The following DGKB variants were observed in gnomAD, a reference collection of about 807,000 sequenced individuals.
DGKB encodes the protein 90 kDa diacylglycerol kinase.
DGKB carries 67 observed loss-of-function variants against 114.3 expected under a neutral mutation model. The observed-to-expected ratio is 0.59, with a 90% CI of 0.48 to 0.72. The LOEUF is 0.72. DGKB is among the 30% of genes least tolerant of loss of function. The pLI is 0.00. For synonymous variants in DGKB, 398 were observed against 323.1 expected (o/e 1.23, Z -2.49); for missense variants, 907 against 975.2 (o/e 0.93, Z 0.93).
chr7:14,810,386 A>G (rs930610741), intron 2 of DGKB, among the ~76,000 whole-genome samples: 1 of 152,062 alleles, frequency 6.6e-6, no homozygotes, highest in African/African-American at 2.4e-5. Context: ...CTACAACATT[A>G]TGGGATAGCT....
At chr7:14,920,250 T>C (rs1316928672) in intron 1 of DGKB, among the ~76,000 whole-genome samples, 1 of 152,160 alleles carries the variant, frequency 6.6e-6, no homozygotes, top group Non-Finnish European at 1.5e-5. Context: ...ATTTGCAAAT[T>C]ACATATCTGA....
intron 4 of DGKB, among the ~76,000 whole-genome samples, chr7:14,747,909 C>A (rs1374526994): frequency 6.6e-6 from 1 of 152,168 alleles, no homozygotes; most frequent in African/African-American, 2.4e-5. Flanking sequence ...ACTGAGGGAG[C>A]TGCTCAGATG....
intron 9 of DGKB, among the ~76,000 whole-genome samples, chr7:14,689,786 A>C (rs1055314700): frequency 6.6e-6 from 1 of 152,224 alleles, no homozygotes; most frequent in Non-Finnish European, 1.5e-5. Flanking sequence ...ACTTTTAAAA[A>C]TCGATGTGCT....
At chr7:14,535,133 G>C (rs892336837) in intron 20 of DGKB, among the ~76,000 whole-genome samples, 2 of 152,038 alleles carry the variant, frequency 1.3e-5, no homozygotes, top group Non-Finnish European at 2.9e-5. Context: ...ATTTTGGAAG[G>C]CCAAAGTAGC....
chr7:14,465,127 C>T (rs1451381986), intron 21 of DGKB, among the ~76,000 whole-genome samples: 2 of 152,108 alleles, frequency 1.3e-5, no homozygotes, highest in Non-Finnish European at 2.9e-5. Context: ...GGTAGCATAT[C>T]GTACTCCATT....
intron 23 of DGKB, among the ~76,000 whole-genome samples, chr7:14,250,823 C>G (rs775785608): frequency 6.6e-6 from 1 of 152,136 alleles, no homozygotes; most frequent in African/African-American, 2.4e-5. Flanking sequence ...ATATTTGGTG[C>G]GTATATGCAT....
chr7:14,608,453 C>T lies in DGKB; in HGVS notation c.1359-945G>A, dbSNP rs1804920350. 2.6e-5 allele frequency among the ~76,000 whole-genome samples: 4 copies of T among 151,892 alleles called. No individual in the cohort carries two copies. The South Asian group carries it at 8.3e-4, about 32-fold the overall frequency. On this transcript the variant is annotated intron_variant, in intron 16 of 25. Coordinates refer to ENST00000402815, the MANE Select transcript of DGKB (RefSeq NM_001350709.2). The stretch of plus-strand genomic sequence containing the variant: ...GGAACATAACTCAAAATAATAAAAG[C>T]CATCTATGACAAACCCACAGCCAAC...
At chr7:14,412,820 A>G (rs1172376753) in intron 21 of DGKB, among the ~76,000 whole-genome samples, 2 of 152,064 alleles carry the variant, frequency 1.3e-5, no homozygotes, top group Non-Finnish European at 2.9e-5. Context: ...CATCTCTACT[A>G]AAAGTACAAA....
chr7:14,164,804 AAAG>A (rs976546925), intron 25 of DGKB, among the ~76,000 whole-genome samples: 3 of 152,144 alleles, frequency 2.0e-5, no homozygotes, highest in African/African-American at 4.8e-5. Context: ...AAATTATGAA[AAAG>A]AAGAAAATTC....
chr7:14,933,597 C>T lies in DGKB; in HGVS notation c.-188+41099G>A, dbSNP rs190262914. Among the ~76,000 whole-genome samples, 13 of 152,282 alleles carry T rather than the reference C, an allele frequency of 8.5e-5. No individual in the cohort carries two copies. The East Asian group carries it at 2.1e-3, about 25-fold the overall frequency. The stretch of plus-strand genomic sequence containing the variant: ...AGGATAAAAATTATGTCTTACTCCT[C>T]TCTGCAGTCCTCAGAATTTAAATGT... On this transcript the variant is annotated intron_variant, in intron 1 of 4. Coordinates refer to the DGKB transcript ENST00000437998.
upstream of DGKB, among the ~76,000 whole-genome samples, chr7:14,905,249 T>TTG (rs1783632795): frequency 1.7e-5 from 2 of 115,170 alleles, no homozygotes; most frequent in Admixed American, 1.0e-4. Flanking sequence ...TGTTAGTTTT[T>TTG]TTTTTTTTTT....
chr7:14,790,123 T>C (rs1480381666), intron 2 of DGKB, among the ~76,000 whole-genome samples: 1 of 152,232 alleles, frequency 6.6e-6, no homozygotes, highest in Non-Finnish European at 1.5e-5. Context: ...CTTTGGCTCA[T>C]TTTCTAATTA....
Position 14,852,488 on chromosome 7 carries a change from A to AAAAAAAAAAAAAACAAAAAAC in DGKB, c.-187-11039_-187-11038insGTTTTTTGTTTTTTTTTTTTT, listed in dbSNP as rs1554304271. ...AGGAATAGCTAAAATAGTGAAAGTC[A>AAAAAAAAAAAAAACAAAAAAC]AAAAAAAAACAGAAATCAAGCATAG... On this transcript the variant is annotated intron_variant, in intron 1 of 25. Coordinates refer to ENST00000402815, the MANE Select transcript of DGKB (RefSeq NM_001350709.2). 6.0e-5 allele frequency among the ~76,000 whole-genome samples: 3 copies of AAAAAAAAAAAAAACAAAAAAC among 50,406 alleles called. No homozygotes were observed. The East Asian group carries it at 3.0e-3, about 50-fold the overall frequency. The allele number at this position is 50,406 out of a possible 152,430, so 33.1% of individuals were successfully genotyped here.
intron 6 of DGKB, among the ~76,000 whole-genome samples, chr7:14,715,410 T>C (rs1828025522): frequency 6.6e-6 from 1 of 152,088 alleles, no homozygotes; most frequent in Non-Finnish European, 1.5e-5. Context: ...TATGGAGCAC[T>C]TGAAGTTAGA....
At chr7:14,164,527 G>C (rs936480012) in intron 25 of DGKB, among the ~76,000 whole-genome samples, 2 of 152,138 alleles carry the variant, frequency 1.3e-5, no homozygotes, top group East Asian at 3.8e-4. Flanking sequence ...CTATTTCAGA[G>C]CACTGTTTTC....
At chr7:14,733,885 T>G (rs1356247346) in intron 5 of DGKB, among the ~76,000 whole-genome samples, 1 of 152,036 alleles carries the variant, frequency 6.6e-6, no homozygotes, top group Non-Finnish European at 1.5e-5. Flanking sequence ...CAGTACAACA[T>G]AAGGCTTAAT....
intron 2 of DGKB, among the ~76,000 whole-genome samples, chr7:14,829,136 C>T (rs1164771870): frequency 2.0e-5 from 3 of 152,064 alleles, no homozygotes; most frequent in African/African-American, 4.8e-5. Context: ...TCTTTACCTT[C>T]ATGGGTAGGG....
chr7:14,685,403 TAA>T, intron 9 of DGKB, 41 bp from the exon 10 acceptor site: 8 of 1,420,020 alleles, frequency 5.6e-6, no homozygotes, highest in Non-Finnish European at 7.0e-6. Flanking sequence ...CTTAATGAAA[TAA>T]ACAGTGAAAG....
chr7:14,567,522 T>C (rs1331688843), intron 20 of DGKB, among the ~76,000 whole-genome samples: 1 of 87,346 alleles, frequency 1.1e-5, no homozygotes, highest in African/African-American at 4.2e-5. Flanking sequence ...TATATTTATA[T>C]ATTATAATTA....
Sources: gnomAD v4.1 joint callset for allele counts (sites outside exome capture counted in the v4.1 genomes callset) on GRCh38, gnomAD v4.1.1 for gene constraint, MANE v1.5 for transcripts, NCBI Gene and HGNC (gene_info 2026-07-23, HGNC 2026-07-21) for gene names.